The following NPLOC4 variants were observed in gnomAD, a reference collection of about 807,000 sequenced individuals.
The protein encoded by NPLOC4 is NPL4 homolog, ubiquitin recognition factor.
NPLOC4 carries 18 observed loss-of-function variants against 80.6 expected under a neutral mutation model. The observed-to-expected ratio is 0.22, with a 90% confidence interval of 0.15 to 0.33. The LOEUF is 0.33. NPLOC4 is among the 10% of genes least tolerant of loss of function. The probability of loss-of-function intolerance (pLI) is 1.00; values close to 1 mark genes in which losing one functional copy is unlikely to be tolerated. For missense variants in NPLOC4, 540 were observed against 786.1 expected, an observed-to-expected ratio of 0.69 and a Z score of 3.74; for synonymous variants, 313 against 301.5, an observed-to-expected ratio of 1.04 and a Z score of -0.39.
chr17:81,584,576 A>C (rs1381816357), intron 12 of NPLOC4, among the ~76,000 whole-genome samples: 2 of 152,254 alleles, frequency 1.3e-5, no homozygotes, highest in African/African-American at 4.8e-5. Flanking sequence ...TGTTTGGGAG[A>C]TCCCAGGCAA....
intron 3 of NPLOC4, among the ~76,000 whole-genome samples, chr17:81,619,213 A>C (rs1256531427): frequency 6.6e-6 from 1 of 151,808 alleles, no homozygotes; most frequent in African/African-American, 2.4e-5. Flanking sequence ...AAAAAAAAAA[A>C]AAAAACACAA....
At chr17:81,600,726 C>T (rs1299684343) in intron 8 of NPLOC4, among the ~76,000 whole-genome samples, 1 of 152,208 alleles carries the variant, frequency 6.6e-6, no homozygotes, top group Non-Finnish European at 1.5e-5. Context: ...GGTCTACACA[C>T]TCTGCCTGTT....
At chr17:81,622,119 G>C (rs1469734483) in intron 3 of NPLOC4, 47 bp downstream of exon 3, 1 of 1,374,648 alleles carries the variant, frequency 7.3e-7, no homozygotes, top group Non-Finnish European at 1.0e-6. Flanking sequence ...AGATCATGGG[G>C]ACCTCATTTC....
intron 2 of NPLOC4, among the ~76,000 whole-genome samples, chr17:81,626,166 A>G (rs2035789793): frequency 6.7e-6 from 1 of 149,834 alleles, no homozygotes; most frequent in Non-Finnish European, 1.5e-5. Flanking sequence ...AAAAAAAAAA[A>G]TTAGCCAGGT....
chr17:81,608,635 T>C, intron 6 of NPLOC4, 93 bp downstream of exon 6: 2 of 858,076 alleles, frequency 2.3e-6, no homozygotes, highest in Admixed American at 2.0e-5. Context: ...TCATCTTTAC[T>C]TCTCTCATTC....
chr17:81,569,111 T>C lies in NPLOC4; in HGVS notation c.1354A>G (p.Ile452Val). ...PLPVEYLIID[I>V]TTTFPKDPVY... Reference sequence around the variant, plus strand: ...GGATCCTTGGGGAAAGTTGTTGTGATCTAATGAAGAAAAACACAAACCCAT... The same window carrying C: ...GGATCCTTGGGGAAAGTTGTTGTGACCTAATGAAGAAAAACACAAACCCAT... Residue 452 changes from isoleucine (I) to valine (V), a missense_variant and splice_region_variant, in exon 14 of 17, where the codon ATC becomes GTC. Around this residue, in one of 6 missense-constraint regions of NPLOC4, gnomAD observed 251 missense variants for 377.5 expected, o/e 0.66. Transcript: ENST00000331134. 1 of 1,603,962 alleles carries C rather than the reference T, an allele frequency of 6.2e-7. No individual in the cohort carries two copies. Among genetic ancestry groups the C allele is most frequent in the Non-Finnish European group, 8.5e-7 (1 of 1,170,868 alleles).
intron 8 of NPLOC4, among the ~76,000 whole-genome samples, chr17:81,602,980 T>TACAC (rs150613321): frequency 0.047 from 6,760 of 144,982 alleles, 227 homozygotes; most frequent in East Asian, 0.15. Flanking sequence ...TATACACAAA[T>TACAC]ACACACACAC....
chr17:81,573,784 C>T (rs1186005830), intron 12 of NPLOC4, among the ~76,000 whole-genome samples: 1 of 152,152 alleles, frequency 6.6e-6, no homozygotes, highest in African/African-American at 2.4e-5. Context: ...GGAGAATGAA[C>T]CTGGACTCTA....
In NPLOC4 at chr17:81,573,997, G is replaced by A. The variant is rs147696150; in HGVS notation, c.1282-1909C>T. 1.0e-3 allele frequency among the ~76,000 whole-genome samples: 158 copies of A among 152,326 alleles called. 1 individual carries two copies. Among genetic ancestry groups the A allele is most frequent in the African/African-American group, 3.5e-3 (146 of 41,570 alleles). On this transcript the variant is annotated intron_variant, in intron 12 of 16. Transcript: ENST00000331134. ...GCGCTCTGCTGGCTGTGATGGGGGC[G>A]CTAAAGACACAGGGCCTACTGCACG...
intron 4 of NPLOC4, among the ~76,000 whole-genome samples, chr17:81,611,499 A>G (rs1458473122): frequency 6.6e-6 from 1 of 151,080 alleles, no homozygotes; most frequent in Non-Finnish European, 1.5e-5. Flanking sequence ...ACAGGTGCAC[A>G]CCACCATGCC....
chr17:81,604,159 T>C (rs183261175), intron 8 of NPLOC4, among the ~76,000 whole-genome samples: 41 of 152,268 alleles, frequency 2.7e-4, no homozygotes, highest in Non-Finnish European at 5.3e-4. Flanking sequence ...TGATTGGTGC[T>C]GAGGTGTGTC....
intron 1 of NPLOC4, among the ~76,000 whole-genome samples, chr17:81,636,701 G>A (rs1356944661): frequency 6.6e-6 from 1 of 152,114 alleles, no homozygotes; most frequent in Non-Finnish European, 1.5e-5. Context: ...GGGGAACCGG[G>A]GTCGTAAGTC....
At chr17:81,570,436 A>G (rs1263410411) in intron 13 of NPLOC4, among the ~76,000 whole-genome samples, 2 of 151,902 alleles carry the variant, frequency 1.3e-5, no homozygotes, top group African/African-American at 2.4e-5. Context: ...GTCCCTTGGG[A>G]AGGCCTAGAA....
chr17:81,634,445 G>GA (rs1210483215), intron 1 of NPLOC4, among the ~76,000 whole-genome samples: 1 of 117,902 alleles, frequency 8.5e-6, no homozygotes, highest in African/African-American at 3.6e-5. Flanking sequence ...ATACACTAGT[G>GA]GGAAAAAAAA....
At chr17:81,564,109 C>CACACACACACAAACACAG (rs751782727) in intron 16 of NPLOC4, 1 of 334,464 alleles carries the variant, frequency 3.0e-6, no homozygotes, top group African/African-American at 2.3e-5. Flanking sequence ...CACACACACA[C>CACACACACACAAACACAG]ACACACACAA....
In NPLOC4 at chr17:81,577,394, C is replaced by CCTCTT. The variant is rs1277763650; in HGVS notation, c.1282-5311_1282-5307dup. 6.6e-6 allele frequency among the ~76,000 whole-genome samples: 1 copy of CCTCTT among 151,966 alleles called. No homozygotes were observed. Among genetic ancestry groups the CCTCTT allele is most frequent in the African/African-American group, 2.4e-5 (1 of 41,346 alleles). On this transcript the variant is annotated intron_variant, in intron 12 of 16. Coordinates refer to ENST00000331134, the MANE Select transcript of NPLOC4 (RefSeq NM_017921.4). This position sits in a 1 kb window ranked among gnomAD's most constrained non-coding sequence, Gnocchi z 4.3. Reference sequence around the variant, plus strand: ...AGCCATCCTTGGAGTTGCTCAACGCCCTCTTCTCTTCTCCCTCTGAACCAC... The same window carrying CCTCTT: ...AGCCATCCTTGGAGTTGCTCAACGCCCTCTTCTCTTCTCTTCTCCCTCTGAACCAC...
chr17:81,570,843 GGTCAA>G (rs745996302), intron 13 of NPLOC4, among the ~76,000 whole-genome samples: 19 of 152,160 alleles, frequency 1.2e-4, no homozygotes, highest in Non-Finnish European at 2.2e-4. Flanking sequence ...ACTTCCACAG[GGTCAA>G]GGAGCCTGGG....
At chr17:81,565,110 C>T in intron 16 of NPLOC4, 2 of 588,234 alleles carry the variant, frequency 3.4e-6, no homozygotes, top group Non-Finnish European at 6.0e-6. Flanking sequence ...GCTTCTCCTC[C>T]TTACAGCTTT....
chr17:81,606,644 G>A (rs751944710), intron 7 of NPLOC4, 47 bp downstream of exon 7: 61 of 1,589,340 alleles, frequency 3.8e-5, no homozygotes, highest in Non-Finnish European at 4.7e-5. Context: ...GGAAATATCC[G>A]TTTCTCAGCC....
Sources: gnomAD v4.1 joint callset for allele counts (sites outside exome capture counted in the v4.1 genomes callset) on GRCh38, gnomAD v4.1.1 for gene constraint, gnomAD v4.1.1 regional missense constraint, Gnocchi (gnomAD v3.1) non-coding constraint, MANE v1.5 for transcripts, NCBI Gene and HGNC (gene_info 2026-07-23, HGNC 2026-07-21) for gene names.